SORT1: variants seen among roughly 807,000 people sequenced by gnomAD.
SORT1 encodes the protein sortilin.
A neutral mutation model predicts 101.7 loss-of-function variants in SORT1; 39 were observed. The ratio of observed to expected loss-of-function variants is 0.38; its 90% confidence interval spans 0.30 to 0.50. SORT1 has a LOEUF of 0.50. Among genes scored for constraint, SORT1 ranks in the 20% least tolerant of loss-of-function variants. The pLI, the probability that SORT1 is intolerant of heterozygous loss-of-function variation, is 0.90. For synonymous variants in SORT1, 396 were observed against 393.7 expected, an observed-to-expected ratio of 1.01 and a Z score of -0.07; for missense variants, 878 against 1,040.4, an observed-to-expected ratio of 0.84 and a Z score of 2.15.
chr1:109,327,470 T>G, intron 12 of SORT1, 29 bp downstream of exon 12: 2 of 1,364,520 alleles, frequency 1.5e-6, no homozygotes, highest in Non-Finnish European at 2.1e-6. Context: ...ACTGTTCCAG[T>G]TGGAGGTGGT....
At chr1:109,316,815 A>G (rs1306727936) in intron 17 of SORT1, 35 bp downstream of exon 17, 1 of 1,321,788 alleles carries the variant, frequency 7.6e-7, no homozygotes. Flanking sequence ...ACAAAATCCC[A>G]TTTGTACCTG....
chr1:109,367,583 C>A, intron 2 of SORT1, 102 bp from the exon 3 acceptor site: 1 of 712,630 alleles, frequency 1.4e-6, no homozygotes, highest in Non-Finnish European at 2.4e-6. Flanking sequence ...TTTGATATCC[C>A]TACTTTGTAG....
chr1:109,328,440 C>G (rs1648228980), intron 11 of SORT1, among the ~76,000 whole-genome samples: 1 of 152,172 alleles, frequency 6.6e-6, no homozygotes, highest in South Asian at 2.1e-4. Context: ...GAGGAGATAC[C>G]TCATTGTGGT....
intron 10 of SORT1, among the ~76,000 whole-genome samples, chr1:109,337,542 C>T (rs986779920): frequency 6.6e-6 from 1 of 152,110 alleles, no homozygotes; most frequent in African/African-American, 2.4e-5. Flanking sequence ...TGTGCCTGGG[C>T]TCCTTTGAGT....
chr1:109,397,655 G>C lies in SORT1; in HGVS notation c.238C>G (p.Pro80Ala). Residue 80 changes from proline (P) to alanine (A), a missense_variant, in exon 1 of 20, where the codon CCG becomes GCG. Around this residue, in one of 2 missense-constraint regions of SORT1, gnomAD observed 194 missense variants for 145.9 expected, o/e 1.33. Coordinates refer to ENST00000256637, the MANE Select transcript of SORT1 (RefSeq NM_002959.7). ...PRGGRWRRSA[P>A]GEDEECGRVR... The stretch of plus-strand genomic sequence containing the variant: ...CGGCCGCACTCCTCGTCCTCGCCCG[G>C]CGCGCTGCGACGCCAACGGCCGCCG... 1 of 1,231,742 alleles carries C rather than the reference G, an allele frequency of 8.1e-7. No individual in the cohort carries two copies. Among genetic ancestry groups the C allele is most frequent in the South Asian group, 2.0e-5 (1 of 50,040 alleles). The allele number at this position is 1,231,742 out of a possible 1,614,324, so 76.3% of individuals were successfully genotyped here. A position where few individuals can be genotyped will look rare whatever the true frequency, so the allele number is the denominator to read the frequency against.
intron 7 of SORT1, 88 bp downstream of exon 7, chr1:109,347,395 C>T: frequency 2.4e-6 from 2 of 830,412 alleles, no homozygotes; most frequent in East Asian, 2.5e-5. Flanking sequence ...AATGGAGGGA[C>T]CTTTTATGTT....
Position 109,313,125 on chromosome 1 carries a change from T to C in SORT1, c.*918A>G, listed in dbSNP as rs1176132530. 3 of 152,270 alleles carry C rather than the reference T, an allele frequency of 2.0e-5. No individual in the cohort carries two copies. The highest frequency in any genetic ancestry group is 4.4e-5 in the Non-Finnish European group (3 of 68,044). The allele number at this position is 152,270 out of a possible 1,614,324, so 9.4% of individuals were successfully genotyped here. ...AGGTTCCGTCTTCGGGGGTTCACAC[T>C]GTGTACCCGACAATCAACTCTAGGG... is the stretch of plus-strand genomic sequence containing the variant. On this transcript the variant is annotated 3_prime_UTR_variant, in exon 20 of 20. Transcript: ENST00000256637.
Position 109,328,255 on chromosome 1 carries a change from C to A in SORT1, c.1372-654G>T, listed in dbSNP as rs201468710. ...CTTTCAACTCTTTTGGATGTATAATCCAGAAGTGGAATTGCTGGATATGAT... is the reference window on the plus strand; with the variant it reads ...CTTTCAACTCTTTTGGATGTATAATACAGAAGTGGAATTGCTGGATATGAT... On this transcript the variant is annotated intron_variant, in intron 11 of 19. Coordinates refer to ENST00000256637, the MANE Select transcript of SORT1 (RefSeq NM_002959.7). Among the ~76,000 whole-genome samples, 13 of 152,270 alleles carry A rather than the reference C, an allele frequency of 8.5e-5. No individual in the cohort carries two copies. In the East Asian group the frequency reaches 1.5e-3, roughly 18 times the overall value.
intron 3 of SORT1, among the ~76,000 whole-genome samples, chr1:109,357,640 A>G (rs1557807953): frequency 6.6e-6 from 1 of 152,188 alleles, no homozygotes; most frequent in Non-Finnish European, 1.5e-5. Flanking sequence ...ACCTGGCAGA[A>G]GAGATCAGCT....
intron 5 of SORT1, among the ~76,000 whole-genome samples, chr1:109,353,112 G>A (rs530612747): frequency 3.4e-4 from 51 of 152,128 alleles, no homozygotes; most frequent in African/African-American, 1.2e-3. Context: ...GATCACCTGA[G>A]GTCAGGAGTT....
intron 3 of SORT1, among the ~76,000 whole-genome samples, chr1:109,355,784 G>A (rs1474396628): frequency 6.6e-6 from 1 of 151,972 alleles, no homozygotes; most frequent in African/African-American, 2.4e-5. Flanking sequence ...ACTTATGATA[G>A]CTACCTGATA....
intron 8 of SORT1, among the ~76,000 whole-genome samples, chr1:109,342,918 A>C (rs1202583420): frequency 1.3e-5 from 2 of 152,178 alleles, no homozygotes; most frequent in African/African-American, 4.8e-5. Flanking sequence ...TACTCTTTAA[A>C]GTTCAGTGAT....
At chr1:109,351,615 C>T (rs1314594812) in intron 5 of SORT1, among the ~76,000 whole-genome samples, 4 of 152,182 alleles carry the variant, frequency 2.6e-5, no homozygotes, top group South Asian at 2.1e-4. Context: ...GAGGAACTAA[C>T]GCTAGGCAGA....
intron 11 of SORT1, among the ~76,000 whole-genome samples, chr1:109,328,855 C>T (rs1400136450): frequency 1.3e-5 from 2 of 152,192 alleles, no homozygotes; most frequent in Non-Finnish European, 1.5e-5. Flanking sequence ...CTCTCACAGA[C>T]CCAGCCAAGT....
chr1:109,369,486 A>T (rs769814946), intron 2 of SORT1, 44 bp downstream of exon 2: 2 of 1,254,840 alleles, frequency 1.6e-6, no homozygotes, highest in Non-Finnish European at 2.3e-6. Context: ...ATCTGTTATC[A>T]TCTTCTTGCT....
At chr1:109,317,371 C>T (rs1015857039) in intron 16 of SORT1, among the ~76,000 whole-genome samples, 8 of 152,222 alleles carry the variant, frequency 5.3e-5, no homozygotes, top group Non-Finnish European at 8.8e-5. Context: ...CTCGGTTACA[C>T]TAGTGTCCAC....
intron 18 of SORT1, 32 bp downstream of exon 18, chr1:109,314,640 C>A: frequency 6.9e-7 from 1 of 1,444,484 alleles, no homozygotes; most frequent in South Asian, 1.1e-5. Context: ...GGCTTGAACT[C>A]AGTACCTTGG....
In SORT1 at chr1:109,371,048, C is replaced by A. The variant is rs902316195; in HGVS notation, c.307-1459G>T. On this transcript the variant is annotated intron_variant, in intron 1 of 19. Transcript: ENST00000256637. ...TCACGTATGTGATTTCCCCTCTGGA[C>A]CGTAAGTACCTTTGATGTCAAAAGA... 7.9e-5 allele frequency among the ~76,000 whole-genome samples: 12 copies of A among 152,212 alleles called. 1 individual carries two copies. Among genetic ancestry groups the A allele is most frequent in the Admixed American group, 7.2e-4 (11 of 15,286 alleles).
At chr1:109,367,352 A>G (rs1037397351) in intron 3 of SORT1, 56 bp downstream of exon 3, 1 of 996,252 alleles carries the variant, frequency 1.0e-6, no homozygotes, top group Non-Finnish European at 1.6e-6. Context: ...AAAAGGGAGA[A>G]TCTATATTCT....
Sources: allele counts gnomAD v4.1 joint callset (sites outside exome capture counted in the v4.1 genomes callset), GRCh38; gene constraint gnomAD v4.1.1; regional missense constraint gnomAD v4.1.1; transcripts MANE v1.5; gene names NCBI Gene and HGNC (gene_info 2026-07-23, HGNC 2026-07-21).